The following SHOX variants were observed in gnomAD, a reference collection of about 807,000 sequenced individuals.
The protein encoded by SHOX is short stature homeobox protein.
In SHOX, 12 loss-of-function variants were observed where a neutral mutation model predicts 29.6. The ratio of observed to expected loss-of-function variants is 0.41; its 90% CI spans 0.26 to 0.66. SHOX has a LOEUF of 0.66. SHOX is among the 30% of genes least tolerant of loss of function. SHOX has a pLI of 0.35. For synonymous variants in SHOX, 214 were observed against 200.6 expected, an observed-to-expected ratio of 1.07 and a Z score of -0.57; for missense variants, 499 against 437.7, an observed-to-expected ratio of 1.14 and a Z score of -1.25.
rs1388471587 is a variant in SHOX, at chrX:631,306, C to G, written c.277+132C>G. On this transcript the variant is annotated intron_variant, in intron 1 of 4. Transcript: ENST00000686671. ...CGTCTCGCCAGGGTAAGGCCCGGGC[C>G]GTCAGGCTTTGCCTAAGAAAGGAAG... The G allele has an allele frequency of 3.3e-6, 4 of 1,204,160 alleles. No individual in the cohort carries two copies. The Admixed American group carries it at 5.8e-5, about 18-fold the overall frequency. 74.6% of individuals were successfully genotyped at this position (1,204,160 alleles called of 1,614,324 possible).
chrX:633,064 C>A (rs2124160138), intron 1 of SHOX, among the ~76,000 whole-genome samples: 1 of 152,240 alleles, frequency 6.6e-6, no homozygotes, highest in East Asian at 1.9e-4. Context: ...CAGAGAGTCC[C>A]CGTTACATTT....
At position 641,070 on chromosome X, in the gene SHOX, CG is replaced by C; in HGVS notation, c.618del (p.Met207CysfsTer33). On this transcript the variant is annotated frameshift_variant, in exon 4 of 5. Transcript: ENST00000686671. LOFTEE classifies it high-confidence loss of function. Reference sequence around the variant, plus strand: ...ACCCTACGTCAACATGGGAGCCTTACGGATGCCTTTCCAACAGGTAGCTCAC... The same window carrying C: ...ACCCTACGTCAACATGGGAGCCTTACGATGCCTTTCCAACAGGTAGCTCAC... The part of the protein sequence containing the change: ...VAPYVNMGAL[R>X]MPFQQVQAQL... 1 of 1,613,842 alleles carries C rather than the reference CG, an allele frequency of 6.2e-7. No homozygotes were observed. The highest frequency in any genetic ancestry group is 1.1e-5 in the South Asian group (1 of 91,054).
chrX:640,136 G>A (rs2052825593), intron 2 of SHOX, among the ~76,000 whole-genome samples: 1 of 152,100 alleles, frequency 6.6e-6, no homozygotes, highest in African/African-American at 2.4e-5. Flanking sequence ...CTTGAGGTCA[G>A]GAGTTCGAGA....
In SHOX at chrX:647,133, G is replaced by C. The variant is rs2052980012; in HGVS notation, c.*2497G>C. On this transcript the variant is annotated 3_prime_UTR_variant, in exon 5 of 5. Coordinates refer to ENST00000686671, the MANE Select transcript of SHOX (RefSeq NM_000451.4). ...ATCTTGTCCCCCAGGCTGGAGTGCA[G>C]TGGCACAATCTCGGCTCACCGCAAC... 6.6e-6 allele frequency among the ~76,000 whole-genome samples: 1 copy of C among 152,232 alleles called. No individual in the cohort carries two copies. The highest frequency in any genetic ancestry group is 2.4e-5 in the African/African-American group (1 of 41,466).
At chrX:657,793 A>G (rs1220105363) in intron 5 of SHOX, among the ~76,000 whole-genome samples, 1 of 152,170 alleles carries the variant, frequency 6.6e-6, no homozygotes, top group East Asian at 1.9e-4. Context: ...ACCCATGCAA[A>G]TTATGTGTTT....
At chrX:635,940 T>A (rs984984838) in intron 2 of SHOX, among the ~76,000 whole-genome samples, 2 of 151,514 alleles carry the variant, frequency 1.3e-5, no homozygotes, top group Non-Finnish European at 2.9e-5. Flanking sequence ...AAATTAAGAT[T>A]GCCGACCAGA....
intron 5 of SHOX, among the ~76,000 whole-genome samples, chrX:657,629 CT>C (rs2053165644): frequency 6.6e-6 from 1 of 152,218 alleles, no homozygotes; most frequent in African/African-American, 2.4e-5. Flanking sequence ...CCTATGCACT[CT>C]CTGAGGATTT....
At chrX:630,673 GC>G (rs2052630511), upstream of SHOX, 1 of 613,906 alleles carries the variant, frequency 1.6e-6, no homozygotes, top group Non-Finnish European at 2.9e-6. Flanking sequence ...GGGAGACACA[GC>G]GTCTCTGCGT....
chrX:644,595 C>A lies in SHOX; in HGVS notation c.838C>A (p.Arg280=). The change falls in exon 5 of 5, where the codon CGG becomes AGG. Residue 280 remains arginine, a synonymous_variant. Transcript: ENST00000686671. The part of the protein sequence containing the change: ...NSKNSSIADL[R]LKARKHAEAL... Reference sequence around the variant, plus strand: ...CAAGAATTCCAGCATCGCCGACCTGCGGCTCAAGGCGCGGAAGCACGCGGA... The same window carrying A: ...CAAGAATTCCAGCATCGCCGACCTGAGGCTCAAGGCGCGGAAGCACGCGGA... 1.3e-6 allele frequency: 2 copies of A among 1,511,388 alleles called. No individual in the cohort carries two copies. The highest frequency in any genetic ancestry group is 8.8e-7 in the Non-Finnish European group (1 of 1,136,784). The allele number at this position is 1,511,388 out of a possible 1,614,324, so 93.6% of individuals were successfully genotyped here.
At position 631,238 on chromosome X, in the gene SHOX, G is replaced by T; in HGVS notation, c.277+64G>T. On this transcript the variant is annotated intron_variant, in intron 1 of 4. Coordinates refer to ENST00000686671, the MANE Select transcript of SHOX (RefSeq NM_000451.4). The stretch of plus-strand genomic sequence containing the variant: ...TGGGGTTCGGCGCCTCCTCGCCACG[G>T]AGTCGGCCCCGCGCGCCCCTCGCTG... 3 of 1,588,286 alleles carry T rather than the reference G, an allele frequency of 1.9e-6. No individual in the cohort carries two copies. The South Asian group carries it at 3.3e-5, about 18-fold the overall frequency.
chrX:642,308 G>C (rs1162950945), intron 4 of SHOX, among the ~76,000 whole-genome samples: 3 of 152,052 alleles, frequency 2.0e-5, no homozygotes, highest in South Asian at 2.1e-4. Flanking sequence ...CTTGGGGGGG[G>C]GGCTCTGGCA....
upstream of SHOX, among the ~76,000 whole-genome samples, chrX:627,908 G>A (rs978163329): frequency 2.0e-5 from 3 of 152,166 alleles, no homozygotes; most frequent in African/African-American, 4.8e-5. Context: ...AGCTGTGAGA[G>A]GTTTACGGCG....
chrX:639,286 C>A (rs1453270984), intron 2 of SHOX, among the ~76,000 whole-genome samples: 3 of 152,230 alleles, frequency 2.0e-5, no homozygotes, highest in African/African-American at 4.8e-5. Context: ...CCTTGGGCGT[C>A]CTCATGACCC....
At chrX:644,342 C>A (rs996871400) in intron 4 of SHOX, 49 bp from the exon 5 acceptor site, 4 of 1,486,480 alleles carry the variant, frequency 2.7e-6, no homozygotes, top group Non-Finnish European at 8.9e-7. Context: ...CGGAGCAGGC[C>A]CCCCAGTCCC....
chrX:631,852 T>A (rs1177801704), intron 1 of SHOX: 1 of 454,986 alleles, frequency 2.2e-6, no homozygotes, highest in African/African-American at 2.0e-5. Context: ...CGGCTTAGGA[T>A]GTGTGTTTCT....
chrX:628,585 G>GTCTCTCTTTCTCTCTCTCCATCTCTCTC (rs2052587795), upstream of SHOX, among the ~76,000 whole-genome samples: 1 of 44,856 alleles, frequency 2.2e-5, no homozygotes, highest in Non-Finnish European at 5.4e-5. Flanking sequence ...CTCCCTGTCT[G>GTCTCTCTTTCTCTCTCTCCATCTCTCTC]TGTCTCTCTT....
At chrX:625,197 C>CCTCCTTCTCCTCCTCCTCCTCCTCCTT (rs2052500463) in intron 1 of SHOX, among the ~76,000 whole-genome samples, 1 of 129,068 alleles carries the variant, frequency 7.7e-6, no homozygotes, top group Non-Finnish European at 1.6e-5. Flanking sequence ...CCCTCCTCCT[C>CCTCCTTCTCCTCCTCCTCCTCCTCCTT]CTCCTTCTCC....
At position 645,154 on chromosome X, in the gene SHOX, G is replaced by C. The variant is rs961602238; in HGVS notation, c.*518G>C. On this transcript the variant is annotated 3_prime_UTR_variant, in exon 5 of 5. Transcript: ENST00000686671. ...TTGAATGTGGACTTCGGAATCCCAG[G>C]AGGCAGGGGCCGGGCTCTCCTCCAC... is the stretch of plus-strand genomic sequence containing the variant. 1 of 152,592 alleles carries C rather than the reference G, an allele frequency of 6.6e-6. No individual in the cohort carries two copies. Among genetic ancestry groups the C allele is most frequent in the Non-Finnish European group, 1.5e-5 (1 of 68,384 alleles). The allele number at this position is 152,592 out of a possible 1,614,324, so 9.5% of individuals were successfully genotyped here.
In SHOX at chrX:641,030, C is replaced by T. The variant is rs200088460; in HGVS notation, c.576C>T (p.Asp192=). 33 of 1,613,736 alleles carry T rather than the reference C, an allele frequency of 2.0e-5. No individual in the cohort carries two copies. Among genetic ancestry groups the T allele is most frequent in the East Asian group, 1.3e-4 (6 of 44,876 alleles). ...GVILGTANHL[D]ACRVAPYVNM... The stretch of plus-strand genomic sequence containing the variant: ...TCTTGGGCACAGCCAACCACCTAGA[C>T]GCCTGCCGAGTGGCACCCTACGTCA... The change falls in exon 4 of 5, where the codon GAC becomes GAT. Residue 192 remains aspartate (D), a synonymous_variant. Transcript: ENST00000686671.
Sources: allele counts gnomAD v4.1 joint callset (sites outside exome capture counted in the v4.1 genomes callset), GRCh38; gene constraint gnomAD v4.1.1; transcripts MANE v1.5; gene names NCBI Gene and HGNC (gene_info 2026-07-23, HGNC 2026-07-21).